Variants in REPIN1 observed in about 807,000 individuals in gnomAD.
REPIN1 encodes DNA-binding protein REPIN1.
REPIN1 carries 4 observed loss-of-function variants against 5.7 expected under a neutral mutation model. The ratio of observed to expected loss-of-function variants is 0.71; its 90% confidence interval spans 0.35 to 1.62. The LOEUF (loss-of-function observed/expected upper bound fraction) is 1.62, where lower values mean the gene tolerates loss of function less well. Ranked by LOEUF, REPIN1 falls within the 40% of genes most tolerant of loss-of-function variation. The pLI is 0.05. For missense variants in REPIN1, 854 were observed against 901.0 expected, an observed-to-expected ratio of 0.95 and a Z score of 0.67; for synonymous variants, 410 against 386.2, an observed-to-expected ratio of 1.06 and a Z score of -0.72.
chr7:150,369,043 C>CG lies in REPIN1; in HGVS notation c.-42+110dup, dbSNP rs547300047. 909 of 218,802 alleles carry CG rather than the reference C, an allele frequency of 4.2e-3. 10 individuals carry two copies. The highest frequency in any genetic ancestry group is 0.027 in the African/African-American group (673 of 24,510). 13.6% of individuals were successfully genotyped at this position (218,802 alleles called of 1,614,324 possible). A position where few individuals can be genotyped will look rare whatever the true frequency, so the allele number is the denominator to read the frequency against. On this transcript the variant is annotated intron_variant, in intron 1 of 2. Coordinates refer to ENST00000489432, the MANE Select transcript of REPIN1 (RefSeq NM_001099695.2). ...GTGTGCGCGACCGTGTGTGAGTGCG[C>CG]GGGGGGGGACGCTGCTGGATCTGCG...
chr7:150,368,908 C>A lies in REPIN1; in HGVS notation c.-75C>A. 2 of 340,934 alleles carry A rather than the reference C, an allele frequency of 5.9e-6. No homozygotes were observed. Among genetic ancestry groups the A allele is most frequent in the East Asian group, 9.1e-5 (2 of 21,936 alleles). The allele number at this position is 340,934 out of a possible 1,614,324, so 21.1% of individuals were successfully genotyped here. Reference sequence around the variant, plus strand: ...GAGGCCGGCCTTCGGGCTCCATGGACGGGCGCCGCGTCCCTGCACAGCCCG... The same window carrying A: ...GAGGCCGGCCTTCGGGCTCCATGGAAGGGCGCCGCGTCCCTGCACAGCCCG... On this transcript the variant is annotated 5_prime_UTR_variant, in exon 1 of 3. Transcript: ENST00000489432.
rs766777073 is a variant in REPIN1, at chr7:150,371,515, C to T, written c.445C>T (p.Arg149Cys). The T allele has an allele frequency of 1.2e-5, 20 of 1,606,262 alleles. No homozygotes were observed. The highest frequency in any genetic ancestry group is 1.7e-5 in the Non-Finnish European group (20 of 1,179,680). ...GCCCTTGCCCTGCCCTGAGTGTGGCCGTCGCTTTCGCCATGCCCCCTTCTT... is the reference window on the plus strand; with the variant it reads ...GCCCTTGCCCTGCCCTGAGTGTGGCTGTCGCTTTCGCCATGCCCCCTTCTT... ...RLPLPCPECG[R>C]RFRHAPFLAL... The change falls in exon 3 of 3, where the codon CGT becomes TGT. Residue 149 changes from arginine (R) to cysteine (C), a missense_variant. Transcript: ENST00000489432.
rs1800045597 is a variant in REPIN1, at chr7:150,373,021, CCTGCCTAGTG to C, written c.*80_*89del. 6.5e-7 allele frequency: 1 copy of C among 1,544,626 alleles called. No individual in the cohort carries two copies. Among genetic ancestry groups the C allele is most frequent in the Non-Finnish European group, 8.8e-7 (1 of 1,141,078 alleles). The stretch of plus-strand genomic sequence containing the variant: ...TGGGAGTCGCAGTGGGCTGGGGGTG[CCTGCCTAGTG>C]CTGGAGTAGGGGACAATGGGAATCC... On this transcript the variant is annotated 3_prime_UTR_variant, in exon 3 of 3. Coordinates refer to ENST00000489432, the MANE Select transcript of REPIN1 (RefSeq NM_001099695.2).
intron 2 of REPIN1, 196 bp from the exon 3 acceptor site, chr7:150,371,032 A>G (rs1350999660): frequency 5.8e-6 from 4 of 691,424 alleles, no homozygotes; most frequent in Admixed American, 2.9e-5. Flanking sequence ...TAAGACAAAC[A>G]TCCTTGAAAT....
intron 2 of REPIN1, chr7:150,370,519 C>A (rs754141073): frequency 5.6e-6 from 3 of 534,332 alleles, no homozygotes; most frequent in Non-Finnish European, 1.0e-5. Flanking sequence ...GTCCTCCAGC[C>A]TCCTACGGAG....
rs1799873428 is a variant in REPIN1 at position 150,372,207 on chromosome 7, G to C, written c.1137G>C (p.Gln379His). Reference protein sequence around the residue: ...KIHKRSEGSAQAAPGPGSPQL... With the variant: ...KIHKRSEGSAHAAPGPGSPQL... Reference sequence around the variant, plus strand: ...ACAAGCGATCCGAGGGGTCGGCCCAGGCCGCCCCCGGCCCGGGGAGCCCCC... The same window carrying C: ...ACAAGCGATCCGAGGGGTCGGCCCACGCCGCCCCCGGCCCGGGGAGCCCCC... The change falls in exon 3 of 3, where the codon CAG becomes CAC. Residue 379 changes from glutamine (Q) to histidine (H), a missense_variant. Around this residue, in one of 5 missense-constraint regions of REPIN1, gnomAD observed 327 missense variants for 307.8 expected, o/e 1.06. Transcript: ENST00000489432. The C allele has an allele frequency of 6.3e-7, 1 of 1,584,036 alleles. No homozygotes were observed. The highest frequency in any genetic ancestry group is 8.6e-7 in the Non-Finnish European group (1 of 1,169,526).
intron 2 of REPIN1, 131 bp from the exon 3 acceptor site, chr7:150,371,097 G>C (rs543499623): frequency 3.1e-6 from 3 of 972,098 alleles, no homozygotes; most frequent in Non-Finnish European, 4.5e-6. Flanking sequence ...AAACAGGAGA[G>C]TAGTCTAGCT....
chr7:150,372,527 G>A lies in REPIN1; in HGVS notation c.1457G>A (p.Arg486Gln). Reference protein sequence around the residue: ...VAHSRVHSGERPFACEECGRR... With the variant: ...VAHSRVHSGEQPFACEECGRR... Reference sequence around the variant, plus strand: ...CACTCGCGCGTGCACTCCGGCGAGCGGCCCTTCGCCTGCGAGGAGTGCGGC... The same window carrying A: ...CACTCGCGCGTGCACTCCGGCGAGCAGCCCTTCGCCTGCGAGGAGTGCGGC... Residue 486 changes from arginine to glutamine, a missense_variant, in exon 3 of 3, where the codon CGG becomes CAG. Transcript: ENST00000489432. The A allele has an allele frequency of 6.4e-6, 10 of 1,557,878 alleles. No homozygotes were observed. Among genetic ancestry groups the A allele is most frequent in the Non-Finnish European group, 8.6e-6 (10 of 1,158,742 alleles).
At chr7:150,371,145 C>A (rs1799664421) in intron 2 of REPIN1, 83 bp from the exon 3 acceptor site, 1 of 1,447,102 alleles carries the variant, frequency 6.9e-7, no homozygotes, top group Non-Finnish European at 9.1e-7. Flanking sequence ...GATGGCAGCT[C>A]CTGTCCGGGG....
Position 150,372,270 on chromosome 7 carries a change from C to T in REPIN1, c.1200C>T (p.Pro400=), listed in dbSNP as rs190933211. The change falls in exon 3 of 3, where the codon CCC becomes CCT. Residue 400 remains proline (P), a synonymous_variant. Coordinates refer to ENST00000489432, the MANE Select transcript of REPIN1 (RefSeq NM_001099695.2). ...GCCCCCAGGAGTCCGCGGCCGAGCC[C>T]ACCCCGGCGGTACCTCTGAAACCGG... The part of the protein sequence containing the change: ...PAGPQESAAE[P]TPAVPLKPAQ... 1,097 of 1,518,362 alleles carry T rather than the reference C, an allele frequency of 7.2e-4. 6 individuals carry two copies. In the African/African-American group the frequency reaches 0.013, roughly 18 times the overall value. The allele number at this position is 1,518,362 out of a possible 1,614,324, so 94.1% of individuals were successfully genotyped here.
chr7:150,372,607 G>A lies in REPIN1; in HGVS notation c.1537G>A (p.Asp513Asn). 1 of 1,608,324 alleles carries A rather than the reference G, an allele frequency of 6.2e-7. No individual in the cohort carries two copies. The highest frequency in any genetic ancestry group is 8.5e-7 in the Non-Finnish European group (1 of 1,179,118). ...GGCGCATCGGCGCGACCACGCCCCC[G>A]ATCGGCCCTTCGTGTGTCCCGACTG... ...LAAHRRDHAP[D>N]RPFVCPDCGK... is the part of the protein sequence containing the mutation. The change falls in exon 3 of 3, where the codon GAT (aspartate) becomes AAT (asparagine). Residue 513 changes from aspartate to asparagine, a missense_variant. Physicochemically the swap from Asp to Asn is conservative, Grantham distance 23. Around this residue, in one of 5 missense-constraint regions of REPIN1, gnomAD observed 327 missense variants for 307.8 expected, o/e 1.06. Transcript: ENST00000489432.
chr7:150,372,904 G>A lies in REPIN1; in HGVS notation c.1834G>A (p.Glu612Lys), dbSNP rs747686641. The A allele has an allele frequency of 1.9e-6, 3 of 1,613,250 alleles. No individual in the cohort carries two copies. The highest frequency in any genetic ancestry group is 1.3e-5 in the African/African-American group (1 of 74,946). Residue 612 changes from glutamate (E) to lysine (K), a missense_variant, in exon 3 of 3, where the codon GAG (glutamate) becomes AAG (lysine). Transcript: ENST00000489432. Reference sequence around the variant, plus strand: ...CATCTGTGGCCAGACCTTCGACGACGAGGAGAGACTCCTGGCCCACCAGAA... The same window carrying A: ...CATCTGTGGCCAGACCTTCGACGACAAGGAGAGACTCCTGGCCCACCAGAA... ...CAICGQTFDDEERLLAHQKKH... is the reference protein window; with the variant it reads ...CAICGQTFDDKERLLAHQKKH...
chr7:150,369,589 G>C, intron 1 of REPIN1, 82 bp from the exon 2 acceptor site: 1 of 1,224,592 alleles, frequency 8.2e-7, no homozygotes, highest in Non-Finnish European at 1.2e-6. Context: ...TGGGGGGAGG[G>C]GTTGTGGCTG....
At position 150,371,531 on chromosome 7, in the gene REPIN1, C is replaced by T. The variant is rs17173703; in HGVS notation, c.461C>T (p.Ala154Val). 0.27 allele frequency: 433,321 copies of T among 1,602,962 alleles called. 62,225 individuals are homozygous for T. Among genetic ancestry groups the T allele is most frequent in the East Asian group, 0.49 (21,670 of 44,596 alleles). Residue 154 changes from alanine to valine, a missense_variant, in exon 3 of 3, where the codon GCC becomes GTC. Coordinates refer to ENST00000489432, the MANE Select transcript of REPIN1 (RefSeq NM_001099695.2). ...CPECGRRFRH[A>V]PFLALHRQVH... Reference sequence around the variant, plus strand: ...GAGTGTGGCCGTCGCTTTCGCCATGCCCCCTTCTTAGCACTGCACCGCCAG... The same window carrying T: ...GAGTGTGGCCGTCGCTTTCGCCATGTCCCCTTCTTAGCACTGCACCGCCAG...
chr7:150,373,147 G>C lies in REPIN1; in HGVS notation c.*202G>C. 1.4e-6 allele frequency: 1 copy of C among 725,886 alleles called. No homozygotes were observed. Among genetic ancestry groups the C allele is most frequent in the Non-Finnish European group, 2.3e-6 (1 of 440,190 alleles). 45.0% of individuals were successfully genotyped at this position (725,886 alleles called of 1,614,324 possible). ...GTGGCCAGGGAACCCACTTCCAAGC[G>C]CAGGGACGCCGGCCTCCAGCTGGTG... is the stretch of plus-strand genomic sequence containing the variant. On this transcript the variant is annotated 3_prime_UTR_variant, in exon 3 of 3. Transcript: ENST00000489432.
In REPIN1 at chr7:150,372,358, T is replaced by C. The variant is rs1377288439; in HGVS notation, c.1288T>C (p.Ser430Pro). ...GCAGGACCCGATCGAAGCCCCCCCC[T>C]CCCTCTACAGCTGCGACGACTGCGG... ...HPQDPIEAPP[S>P]LYSCDDCGRS... Residue 430 changes from serine to proline, a missense_variant, in exon 3 of 3, where the codon TCC becomes CCC. By Grantham distance (74) the Ser-to-Pro change is moderately conservative. Around this residue, in one of 5 missense-constraint regions of REPIN1, gnomAD observed 327 missense variants for 307.8 expected, o/e 1.06. Coordinates refer to ENST00000489432, the MANE Select transcript of REPIN1 (RefSeq NM_001099695.2). The C allele has an allele frequency of 4.7e-6, 7 of 1,500,538 alleles. No individual in the cohort carries two copies. The highest frequency in any genetic ancestry group is 1.3e-5 in the South Asian group (1 of 79,236). 93.0% of individuals were successfully genotyped at this position (1,500,538 alleles called of 1,614,324 possible). A position where few individuals can be genotyped will look rare whatever the true frequency, so the allele number is the denominator to read the frequency against.
chr7:150,372,092 G>T lies in REPIN1; in HGVS notation c.1022G>T (p.Arg341Leu). 6.2e-7 allele frequency: 1 copy of T among 1,612,318 alleles called. No individual in the cohort carries two copies. The highest frequency in any genetic ancestry group is 8.5e-7 in the Non-Finnish European group (1 of 1,179,704). The change falls in exon 3 of 3, where the codon CGC (arginine) becomes CTC (leucine). Residue 341 changes from arginine (R) to leucine (L), a missense_variant. Arg to Leu is a moderately radical substitution (Grantham distance 102). Transcript: ENST00000489432. ...AAGCCCTATCTGACTTCGCACCGGC[G>T]CATCCACACCGGCGAGAAGCCCTAC... is the stretch of plus-strand genomic sequence containing the variant. The part of the protein sequence containing the change: ...TNKPYLTSHR[R>L]IHTGEKPYPC...
At chr7:150,370,124 C>T (rs557790578) in intron 2 of REPIN1, 2 of 425,856 alleles carry the variant, frequency 4.7e-6, no homozygotes, top group African/African-American at 1.9e-5. Flanking sequence ...TTCCTCCTTC[C>T]GCGGAGGAGG....
chr7:150,370,546 C>G lies in REPIN1; in HGVS notation c.157+678C>G, dbSNP rs1799561600. The G allele has an allele frequency of 8.8e-6, 5 of 567,968 alleles. No homozygotes were observed. The Admixed American group carries it at 1.5e-4, about 17-fold the overall frequency. The allele number at this position is 567,968 out of a possible 1,614,324, so 35.2% of individuals were successfully genotyped here. On this transcript the variant is annotated intron_variant, in intron 2 of 2. Coordinates refer to ENST00000489432, the MANE Select transcript of REPIN1 (RefSeq NM_001099695.2). ...CCTACGGAGACTGCAGTTAGTGATG[C>G]TGAAAGTGCCTCCCCTGTGGGGCTA... is the stretch of plus-strand genomic sequence containing the variant.
Sources: gnomAD v4.1 joint callset for allele counts on GRCh38, gnomAD v4.1.1 for gene constraint, gnomAD v4.1.1 regional missense constraint, MANE v1.5 for transcripts, NCBI Gene and HGNC (gene_info 2026-07-23, HGNC 2026-07-21) for gene names.